The following PTH1R variants were observed in gnomAD, a reference collection of about 807,000 sequenced individuals.
PTH1R encodes parathyroid hormone/parathyroid hormone-related peptide receptor.
Under a neutral mutation model 70.7 loss-of-function variants are expected in PTH1R, and 32 were observed. The observed-to-expected ratio is 0.45, with a 90% confidence interval of 0.34 to 0.61. PTH1R has a LOEUF of 0.61. PTH1R is among the 20% of genes least tolerant of loss of function. PTH1R has a pLI of 0.01. For synonymous variants in PTH1R, 329 were observed against 324.8 expected, an observed-to-expected ratio of 1.01 and a Z score of -0.14; for missense variants, 626 against 792.5, an observed-to-expected ratio of 0.79 and a Z score of 2.52.
intron 3 of PTH1R, among the ~76,000 whole-genome samples, chr3:46,886,416 A>G (rs1392653720): frequency 6.6e-6 from 1 of 152,042 alleles, no homozygotes; most frequent in Non-Finnish European, 1.5e-5. Context: ...GGAGTGCAGT[A>G]GTGCGATCTC....
rs201964583 is a variant in PTH1R, at chr3:46,903,250, C to T, written c.1396-20C>T. ...GGGGTTGGGAGACACACCTGACTGC[C>T]GCACCCTTACTGCCCCAAGGTACAA... On this transcript the variant is annotated intron_variant, in intron 15 of 15. Coordinates refer to ENST00000449590, the MANE Select transcript of PTH1R (RefSeq NM_000316.3). The surrounding 1 kb of genome is among the most constrained non-coding windows in gnomAD (Gnocchi z 4.4). The T allele has an allele frequency of 4.6e-5, 74 of 1,611,614 alleles. No homozygotes were observed. The highest frequency in any genetic ancestry group is 3.3e-4 in the South Asian group (30 of 90,898).
At chr3:46,895,651 A>T (rs2107021385) in intron 4 of PTH1R, 84 bp from the exon 5 acceptor site, 1 of 1,599,120 alleles carries the variant, frequency 6.3e-7, no homozygotes, top group Non-Finnish European at 8.6e-7. Flanking sequence ...CATTGTACAA[A>T]GGGGGAGTCT....
rs1478659837 is a variant in PTH1R at position 46,902,814 on chromosome 3, T to C, written c.1395+24T>C. 7 of 1,613,194 alleles carry C rather than the reference T, an allele frequency of 4.3e-6. No homozygotes were observed. Among genetic ancestry groups the C allele is most frequent in the Middle Eastern group, 1.6e-4 (1 of 6,080 alleles). On this transcript the variant is annotated intron_variant, in intron 15 of 15. Transcript: ENST00000449590. The surrounding 1 kb of genome is among the most constrained non-coding windows in gnomAD (Gnocchi z 5.4). The stretch of plus-strand genomic sequence containing the variant: ...AGGTAAGCAGGAGACAGTGTTGGCA[T>C]AGGGCAGGGTGGGGCAGATACCCCA...
chr3:46,885,589 A>T (rs2030965965), intron 3 of PTH1R, among the ~76,000 whole-genome samples: 1 of 152,162 alleles, frequency 6.6e-6, no homozygotes, highest in Admixed American at 6.5e-5. Flanking sequence ...ATATGCAGAG[A>T]ATCTTCCTGG....
intron 7 of PTH1R, 33 bp downstream of exon 7, chr3:46,898,225 G>A: frequency 6.2e-7 from 1 of 1,610,398 alleles, no homozygotes; most frequent in Non-Finnish European, 8.5e-7. Flanking sequence ...ACCTGACCAG[G>A]ATAAATTCAC....
intron 2 of PTH1R, 97 bp downstream of exon 2, chr3:46,881,215 G>A (rs1305484835): frequency 6.6e-6 from 1 of 152,308 alleles, no homozygotes; most frequent in Non-Finnish European, 1.5e-5. Flanking sequence ...CTGCGCTCCA[G>A]GCATCCCCAG....
Position 46,883,370 on chromosome 3 carries a change from C to CTCGA in PTH1R, c.-48-139_-48-138insATCG. The CTCGA allele has an allele frequency of 4.3e-6, 1 of 231,132 alleles. No individual in the cohort carries two copies. Among genetic ancestry groups the CTCGA allele is most frequent in the East Asian group, 8.4e-5 (1 of 11,856 alleles). 14.3% of individuals were successfully genotyped at this position (231,132 alleles called of 1,614,324 possible). A position where few individuals can be genotyped will look rare whatever the true frequency, so the allele number is the denominator to read the frequency against. ...CTCCCTCCTTTGCGCTGCTCGCTCG[C>CTCGA]TCGCTCGCTCGCTCGCCCTCAGCGC... is the stretch of plus-strand genomic sequence containing the variant. On this transcript the variant is annotated intron_variant, in intron 2 of 15. Coordinates refer to ENST00000449590, the MANE Select transcript of PTH1R (RefSeq NM_000316.3). This position sits in a 1 kb window ranked among gnomAD's most constrained non-coding sequence, Gnocchi z 6.4.
Position 46,896,144 on chromosome 3 carries a change from G to A in PTH1R, c.313+275G>A, listed in dbSNP as rs925178520. On this transcript the variant is annotated intron_variant, in intron 5 of 15. Transcript: ENST00000449590. This position sits in a 1 kb window ranked among gnomAD's most constrained non-coding sequence, Gnocchi z 4.1. ...ACGGTCCCACCCATGGAGAGAAAGA[G>A]AGATGACAGAGAACCCTGGGGGACA... Among the ~76,000 whole-genome samples, 3 of 152,026 alleles carry A rather than the reference G, an allele frequency of 2.0e-5. No individual in the cohort carries two copies. Among genetic ancestry groups the A allele is most frequent in the East Asian group, 1.9e-4 (1 of 5,160 alleles).
chr3:46,882,648 A>C lies in PTH1R; in HGVS notation c.-48-864A>C, dbSNP rs2030684213. 6.6e-6 allele frequency among the ~76,000 whole-genome samples: 1 copy of C among 151,058 alleles called. No homozygotes were observed. The highest frequency in any genetic ancestry group is 1.5e-5 in the Non-Finnish European group (1 of 67,718). On this transcript the variant is annotated intron_variant, in intron 2 of 15. Transcript: ENST00000449590. This position sits in a 1 kb window ranked among gnomAD's most constrained non-coding sequence, Gnocchi z 4.3. ...CGGTGGCTTTTTTGGAAACTTGCAA[A>C]TGTTTTCGTAGAGAGAAAAGGGGGA...
chr3:46,895,770 G>A lies in PTH1R; in HGVS notation c.214G>A (p.Ala72Thr). Residue 72 changes from alanine (A) to threonine (T), a missense_variant, in exon 5 of 16, where the codon GCG becomes ACG. Transcript: ENST00000449590. ...GGAATCAGACAAGGGATGGACATCT[G>A]CGTCCACATCAGGGAAGCCCAGGAA... is the stretch of plus-strand genomic sequence containing the variant. ...IMESDKGWTS[A>T]STSGKPRKDK... The A allele has an allele frequency of 6.2e-7, 1 of 1,614,128 alleles. No homozygotes were observed. The highest frequency in any genetic ancestry group is 8.5e-7 in the Non-Finnish European group (1 of 1,180,036).
At chr3:46,898,029 G>T (rs774399013) in intron 6 of PTH1R, 45 bp from the exon 7 acceptor site, 3 of 1,613,252 alleles carry the variant, frequency 1.9e-6, no homozygotes, top group Admixed American at 3.3e-5. Flanking sequence ...GGGGTTCAGT[G>T]CCTCGAGACC....
Position 46,901,168 on chromosome 3 carries a change from G to C in PTH1R, c.1049+83G>C. Reference sequence around the variant, plus strand: ...CAGGAAGCATGTGAGAGGGCCTCCTGTACCCTGGCCTCAAACGGCCCAGCC... The same window carrying C: ...CAGGAAGCATGTGAGAGGGCCTCCTCTACCCTGGCCTCAAACGGCCCAGCC... On this transcript the variant is annotated intron_variant, in intron 11 of 15. Transcript: ENST00000449590. This position sits in a 1 kb window ranked among gnomAD's most constrained non-coding sequence, Gnocchi z 7.3. 6.7e-7 allele frequency: 1 copy of C among 1,494,190 alleles called. No homozygotes were observed. The highest frequency in any genetic ancestry group is 9.1e-7 in the Non-Finnish European group (1 of 1,096,504). 92.6% of individuals were successfully genotyped at this position (1,494,190 alleles called of 1,614,324 possible). A position where few individuals can be genotyped will look rare whatever the true frequency, so the allele number is the denominator to read the frequency against.
chr3:46,893,937 G>C lies in PTH1R; in HGVS notation c.106G>C (p.Glu36Gln). The C allele has an allele frequency of 6.2e-7, 1 of 1,614,156 alleles. No homozygotes were observed. The highest frequency in any genetic ancestry group is 8.5e-7 in the Non-Finnish European group (1 of 1,180,026). ...TGCAGATGACGTCATGACTAAAGAGGAACAGATCTTCCTGCTGCACCGTGC... is the reference window on the plus strand; with the variant it reads ...TGCAGATGACGTCATGACTAAAGAGCAACAGATCTTCCTGCTGCACCGTGC... ...VDADDVMTKE[E>Q]QIFLLHRAQA... is the part of the protein sequence containing the mutation. Residue 36 changes from glutamate (E) to glutamine (Q), a missense_variant, in exon 4 of 16, where the codon GAA becomes CAA. Physicochemically the swap from Glu to Gln is conservative, Grantham distance 29. This residue lies in a region of PTH1R where 123 missense variants were observed against 125.7 expected (regional missense o/e 0.98). Transcript: ENST00000449590. The surrounding 1 kb of genome is among the most constrained non-coding windows in gnomAD (Gnocchi z 5.2).
At chr3:46,898,040 T>A (rs2031857345) in intron 6 of PTH1R, 34 bp from the exon 7 acceptor site, 1 of 1,612,978 alleles carries the variant, frequency 6.2e-7, no homozygotes, top group African/African-American at 1.3e-5. Context: ...CCTCGAGACC[T>A]CCCTGCCGGC....
intron 3 of PTH1R, among the ~76,000 whole-genome samples, chr3:46,889,848 G>A (rs189592195): frequency 1.1e-4 from 17 of 152,260 alleles, no homozygotes; most frequent in South Asian, 2.1e-4. Flanking sequence ...CTGCAGATCC[G>A]CTGGATCTAA....
At position 46,891,753 on chromosome 3, in the gene PTH1R, G is replaced by A. The variant is rs972953693; in HGVS notation, c.76-2154G>A. On this transcript the variant is annotated intron_variant, in intron 3 of 15. Transcript: ENST00000449590. The surrounding 1 kb of genome is among the most constrained non-coding windows in gnomAD (Gnocchi z 4.3). Reference sequence around the variant, plus strand: ...GTGATGTACCAGTTGTGATGGTGCAGATGGTGGTGATGGTGGTTATATGGA... The same window carrying A: ...GTGATGTACCAGTTGTGATGGTGCAAATGGTGGTGATGGTGGTTATATGGA... Among the ~76,000 whole-genome samples, 2 of 151,098 alleles carry A rather than the reference G, an allele frequency of 1.3e-5. No individual in the cohort carries two copies. Among genetic ancestry groups the A allele is most frequent in the African/African-American group, 4.8e-5 (2 of 41,318 alleles).
At position 46,879,055 on chromosome 3, in the gene PTH1R, C is replaced by A. The variant is rs1036937866; in HGVS notation, c.-106+1212C>A. 6.6e-6 allele frequency among the ~76,000 whole-genome samples: 1 copy of A among 152,204 alleles called. No homozygotes were observed. The highest frequency in any genetic ancestry group is 1.5e-5 in the Non-Finnish European group (1 of 68,036). On this transcript the variant is annotated intron_variant, in intron 1 of 15. Transcript: ENST00000449590. This position sits in a 1 kb window ranked among gnomAD's most constrained non-coding sequence, Gnocchi z 4.7. ...GGGTGCTACCAGTTAATGTGTGACACCCCCACCCTCATGGTAGCACTTTAA... is the reference window on the plus strand; with the variant it reads ...GGGTGCTACCAGTTAATGTGTGACAACCCCACCCTCATGGTAGCACTTTAA...
rs899279094 is a variant in PTH1R, at chr3:46,896,138, GAA to G, written c.313+271_313+272del. 5.3e-5 allele frequency among the ~76,000 whole-genome samples: 8 copies of G among 152,226 alleles called. No homozygotes were observed. Among genetic ancestry groups the G allele is most frequent in the African/African-American group, 1.9e-4 (8 of 41,528 alleles). On this transcript the variant is annotated intron_variant, in intron 5 of 15. Coordinates refer to ENST00000449590, the MANE Select transcript of PTH1R (RefSeq NM_000316.3). This position sits in a 1 kb window ranked among gnomAD's most constrained non-coding sequence, Gnocchi z 4.1. Reference sequence around the variant, plus strand: ...AGGGCTACGGTCCCACCCATGGAGAGAAAGAGAGATGACAGAGAACCCTGGGG... The same window carrying G: ...AGGGCTACGGTCCCACCCATGGAGAGAGAGAGATGACAGAGAACCCTGGGG...
intron 1 of PTH1R, among the ~76,000 whole-genome samples, chr3:46,880,808 G>A (rs956792467): frequency 3.9e-5 from 6 of 152,188 alleles, no homozygotes; most frequent in Admixed American, 3.9e-4. Flanking sequence ...ACCTGGGAGT[G>A]CAGTCTGGAA....
Sources: allele counts gnomAD v4.1 joint callset (sites outside exome capture counted in the v4.1 genomes callset), GRCh38; gene constraint gnomAD v4.1.1; regional missense constraint gnomAD v4.1.1; non-coding constraint Gnocchi (gnomAD v3.1); transcripts MANE v1.5; gene names NCBI Gene and HGNC (gene_info 2026-07-23, HGNC 2026-07-21).